WDR44: variants seen among roughly 807,000 people sequenced by gnomAD.
The protein encoded by WDR44 is WD repeat-containing protein 44.
WDR44 carries 9 observed loss-of-function variants against 65.7 expected under a neutral mutation model. The ratio of observed to expected loss-of-function variants is 0.14; its 90% CI spans 0.08 to 0.24. The LOEUF (loss-of-function observed/expected upper bound fraction) is 0.24. WDR44 is among the 10% of genes least tolerant of loss of function. The pLI is 1.00. For missense variants in WDR44, 425 were observed against 670.9 expected, an observed-to-expected ratio of 0.63 and a Z score of 4.05; for synonymous variants, 220 against 235.2, an observed-to-expected ratio of 0.94 and a Z score of 0.59.
At chrX:118,426,862 ATAAG>A (rs1406796577) in intron 12 of WDR44, among the ~76,000 whole-genome samples, 3 of 112,114 alleles carry the variant, frequency 2.7e-5, no homozygotes, top group Non-Finnish European at 5.6e-5. Flanking sequence ...ATTCTGAAAG[ATAAG>A]TAAGAAGATT....
intron 9 of WDR44, among the ~76,000 whole-genome samples, chrX:118,405,372 C>T (rs753596017): frequency 4.5e-5 from 5 of 110,427 alleles, no homozygotes; most frequent in Non-Finnish European, 7.6e-5. Flanking sequence ...TGGAGTCTCG[C>T]TCTGTCACCC....
chrX:118,421,649 A>G (rs1283321735), intron 12 of WDR44, among the ~76,000 whole-genome samples: 1 of 111,889 alleles, frequency 8.9e-6, no homozygotes, highest in Non-Finnish European at 1.9e-5. Flanking sequence ...TGTGTGGAAT[A>G]TAATATATAA....
At chrX:118,347,915 A>G (rs781378998) in intron 1 of WDR44, among the ~76,000 whole-genome samples, 10 of 112,238 alleles carry the variant, frequency 8.9e-5, no homozygotes, top group African/African-American at 2.6e-4. Flanking sequence ...TGTAGAGCAT[A>G]GGAAATACAT....
chrX:118,390,341 C>T (rs1161165868), intron 3 of WDR44, among the ~76,000 whole-genome samples: 1 of 111,187 alleles, frequency 9.0e-6, no homozygotes, highest in East Asian at 2.8e-4. Context: ...AAAAAAATGA[C>T]AGGGCTAGGC....
At chrX:118,348,173 C>T (rs2056370266) in intron 1 of WDR44, among the ~76,000 whole-genome samples, 1 of 111,979 alleles carries the variant, frequency 8.9e-6, no homozygotes, top group Non-Finnish European at 1.9e-5. Context: ...ATATCAGGAC[C>T]TGTGTAAACT....
At chrX:118,425,264 G>T (rs1235256374) in intron 12 of WDR44, among the ~76,000 whole-genome samples, 1 of 112,275 alleles carries the variant, frequency 8.9e-6, no homozygotes, top group Non-Finnish European at 1.9e-5. Flanking sequence ...CTCTGAGTAA[G>T]ATGGGAATCA....
rs1161937197 is a variant in WDR44 at position 118,398,487 on chromosome X, C to A, written c.1274+17C>A. 2.6e-6 allele frequency: 3 copies of A among 1,140,056 alleles called. No individual in the cohort carries two copies. Among genetic ancestry groups the A allele is most frequent in the Admixed American group, 2.4e-5 (1 of 42,041 alleles). The allele number at this position is 1,140,056 out of a possible 1,213,427, so 94.0% of individuals were successfully genotyped here. On this transcript the variant is annotated intron_variant, in intron 8 of 19. Coordinates refer to ENST00000254029, the MANE Select transcript of WDR44 (RefSeq NM_019045.5). Reference sequence around the variant, plus strand: ...ACAGAAAACGTGAGTTACAGTACATCCCTTTTCTTCATTTCAAGTTTTTAT... The same window carrying A: ...ACAGAAAACGTGAGTTACAGTACATACCTTTTCTTCATTTCAAGTTTTTAT...
chrX:118,374,095 C>G (rs925257001), intron 1 of WDR44, among the ~76,000 whole-genome samples: 2 of 109,392 alleles, frequency 1.8e-5, no homozygotes, highest in Non-Finnish European at 3.8e-5. Context: ...CCTAGCCCCC[C>G]ACCCCCTGAC....
intron 12 of WDR44, among the ~76,000 whole-genome samples, chrX:118,431,467 C>CTA (rs1218156683): frequency 9.0e-6 from 1 of 111,227 alleles, no homozygotes; most frequent in Non-Finnish European, 1.9e-5. Flanking sequence ...CCATGCCCAG[C>CTA]TAATACTGTG....
At chrX:118,413,615 A>T (rs2057029847) in intron 12 of WDR44, among the ~76,000 whole-genome samples, 1 of 110,502 alleles carries the variant, frequency 9.0e-6, no homozygotes. Flanking sequence ...GATTGTGAAG[A>T]TTTTCTCCCA....
At chrX:118,421,156 G>T (rs999180864) in intron 12 of WDR44, among the ~76,000 whole-genome samples, 4 of 111,669 alleles carry the variant, frequency 3.6e-5, no homozygotes, top group Non-Finnish European at 7.5e-5. Flanking sequence ...TAACTGCTTT[G>T]CTTTAGGGAA....
intron 12 of WDR44, among the ~76,000 whole-genome samples, chrX:118,429,506 T>A (rs1278646191): frequency 9.3e-6 from 1 of 107,924 alleles, no homozygotes; most frequent in Admixed American, 1.0e-4. Flanking sequence ...GGAGGATTGC[T>A]TGAACCCAGG....
chrX:118,434,757 C>T (rs1193797583), intron 13 of WDR44, among the ~76,000 whole-genome samples: 1 of 111,768 alleles, frequency 8.9e-6, no homozygotes, highest in Non-Finnish European at 1.9e-5. Flanking sequence ...AGGGTAGGAA[C>T]CAGATATTAT....
Position 118,449,051 on chromosome X carries a change from A to G in WDR44, c.*64A>G, listed in dbSNP as rs2057370986. On this transcript the variant is annotated 3_prime_UTR_variant, in exon 20 of 20. Coordinates refer to ENST00000254029, the MANE Select transcript of WDR44 (RefSeq NM_019045.5). ...CTATATGTATCAAAACTGAAAAAAT[A>G]GTGTTCCAGGCTAACATACTTTTTT... is the stretch of plus-strand genomic sequence containing the variant. The G allele has an allele frequency of 1.4e-6, 1 of 726,895 alleles. No homozygotes were observed. The highest frequency in any genetic ancestry group is 3.2e-5 in the South Asian group (1 of 31,443). 59.9% of individuals were successfully genotyped at this position (726,895 alleles called of 1,213,427 possible).
At chrX:118,347,911 G>A (rs1431581442) in intron 1 of WDR44, among the ~76,000 whole-genome samples, 1 of 111,891 alleles carries the variant, frequency 8.9e-6, no homozygotes, top group Non-Finnish European at 1.9e-5. Context: ...TAGGTGTAGA[G>A]CATAGGAAAT....
At chrX:118,375,529 A>C (rs773229820) in intron 1 of WDR44, among the ~76,000 whole-genome samples, 90 of 105,169 alleles carry the variant, frequency 8.6e-4, no homozygotes, top group Middle Eastern at 9.9e-3. Flanking sequence ...AAAAAAAAAA[A>C]AAACAAACAG....
intron 1 of WDR44, among the ~76,000 whole-genome samples, chrX:118,351,231 T>C (rs924910711): frequency 6.2e-5 from 7 of 112,350 alleles, no homozygotes; most frequent in Non-Finnish European, 9.4e-5. Flanking sequence ...GGCATTTAGT[T>C]AGTATTAACT....
chrX:118,397,934 C>T (rs2056879379), intron 7 of WDR44, among the ~76,000 whole-genome samples: 1 of 112,129 alleles, frequency 8.9e-6, no homozygotes, highest in African/African-American at 3.2e-5. Flanking sequence ...TCAGGTCCAT[C>T]ATTTAAATTA....
At chrX:118,425,820 C>T (rs2057151650) in intron 12 of WDR44, among the ~76,000 whole-genome samples, 1 of 111,996 alleles carries the variant, frequency 8.9e-6, no homozygotes, top group Admixed American at 9.5e-5. Flanking sequence ...TACCTGTAAT[C>T]CCAGCACTTT....
Sources: allele counts gnomAD v4.1 joint callset (sites outside exome capture counted in the v4.1 genomes callset), GRCh38; gene constraint gnomAD v4.1.1; transcripts MANE v1.5; gene names NCBI Gene and HGNC (gene_info 2026-07-23, HGNC 2026-07-21).